The following CHD9 variants were observed in gnomAD, a reference collection of about 807,000 sequenced individuals.
CHD9 encodes ATP-dependent chromatin remodeler CHD9.
CHD9 carries 77 observed loss-of-function variants against 316.1 expected under a neutral mutation model. The observed-to-expected ratio is 0.24, with a 90% CI of 0.20 to 0.29. The LOEUF (loss-of-function observed/expected upper bound fraction) is 0.29, where lower values mean the gene tolerates loss of function less well. Among genes scored for constraint, CHD9 ranks in the 10% least tolerant of loss-of-function variants. CHD9 has a pLI of 1.00. For missense variants in CHD9, 2,763 were observed against 3,438.1 expected, an observed-to-expected ratio of 0.80 and a Z score of 4.91; for synonymous variants, 1,129 against 1,158.3, an observed-to-expected ratio of 0.97 and a Z score of 0.51.
chr16:53,110,228 G>A (rs1347767154), intron 1 of CHD9, among the ~76,000 whole-genome samples: 1 of 152,058 alleles, frequency 6.6e-6, no homozygotes, highest in African/African-American at 2.4e-5. Flanking sequence ...GAACTTACAG[G>A]AACAAAGATA....
chr16:53,174,703 G>A (rs2042989785), intron 2 of CHD9, among the ~76,000 whole-genome samples: 1 of 152,118 alleles, frequency 6.6e-6, no homozygotes, highest in Non-Finnish European at 1.5e-5. Context: ...CAATGTCCTG[G>A]GCTCAAGCAG....
At chr16:53,070,489 TTTCC>T (rs61654246) in intron 1 of CHD9, among the ~76,000 whole-genome samples, 3,453 of 144,734 alleles carry the variant, frequency 0.024, 94 homozygotes, top group East Asian at 0.15. Flanking sequence ...TCTTTCTTTC[TTTCC>T]TTCCTTCCTT....
chr16:53,132,180 T>C (rs1027293974), intron 1 of CHD9, among the ~76,000 whole-genome samples: 19 of 152,048 alleles, frequency 1.2e-4, no homozygotes, highest in African/African-American at 4.6e-4. Flanking sequence ...GAGAATTTTG[T>C]TGTTGTTGTT....
intron 1 of CHD9, among the ~76,000 whole-genome samples, chr16:53,153,428 AGGAGAG>A (rs2041272595): frequency 6.6e-6 from 1 of 152,324 alleles, no homozygotes; most frequent in South Asian, 2.1e-4. Context: ...AGGCAGAGGA[AGGAGAG>A]TTTTAATTTT....
chr16:53,259,539 TC>T (rs2050904156), intron 19 of CHD9, among the ~76,000 whole-genome samples: 1 of 152,136 alleles, frequency 6.6e-6, no homozygotes, highest in Admixed American at 6.5e-5. Context: ...TTGAGACAGA[TC>T]TCACTCTGTC....
chr16:53,242,962 T>C lies in CHD9; in HGVS notation c.3000T>C (p.His1000=). The C allele has an allele frequency of 1.2e-6, 2 of 1,612,868 alleles. No individual in the cohort carries two copies. The highest frequency in any genetic ancestry group is 2.2e-5 in the South Asian group (2 of 91,066). ...EWRCVIIDEA[H]RLKNKNCKLL... is the part of the protein sequence containing the mutation. Reference sequence around the variant, plus strand: ...GATGTGTGATTATTGATGAAGCACATAGGTTAAAAAATAAAAATTGTAAAC... The same window carrying C: ...GATGTGTGATTATTGATGAAGCACACAGGTTAAAAAATAAAAATTGTAAAC... The change falls in exon 13 of 39, where the codon CAT becomes CAC. Residue 1000 remains histidine, a synonymous_variant. Coordinates refer to ENST00000447540, the MANE Select transcript of CHD9 (RefSeq NM_001308319.2).
At chr16:53,162,421 C>T (rs998589877) in intron 2 of CHD9, among the ~76,000 whole-genome samples, 23 of 152,114 alleles carry the variant, frequency 1.5e-4, no homozygotes, top group Non-Finnish European at 1.8e-4. Context: ...TTTTATTGCT[C>T]TCATAACAAA....
intron 1 of CHD9, among the ~76,000 whole-genome samples, chr16:53,134,915 CAG>C (rs2039604603): frequency 6.6e-6 from 1 of 152,036 alleles, no homozygotes. Flanking sequence ...ACAGTGCAAA[CAG>C]ATAAAGAACA....
chr16:53,107,964 G>A (rs2037501894), intron 1 of CHD9, among the ~76,000 whole-genome samples: 1 of 152,028 alleles, frequency 6.6e-6, no homozygotes, highest in Non-Finnish European at 1.5e-5. Flanking sequence ...GGGAGGGAGG[G>A]GTGAAGGGAG....
chr16:53,309,257 A>G (rs143044322), intron 34 of CHD9, among the ~76,000 whole-genome samples: 174 of 152,322 alleles, frequency 1.1e-3, no homozygotes, highest in African/African-American at 4.0e-3. Flanking sequence ...ACTAATCCCT[A>G]AAAGGTAATT....
intron 12 of CHD9, among the ~76,000 whole-genome samples, chr16:53,242,318 G>A (rs756468506): frequency 1.1e-4 from 16 of 152,066 alleles, no homozygotes; most frequent in Admixed American, 1.0e-3. Context: ...TGATTCAGTA[G>A]AATATAAGTT....
rs532940288 is a variant in CHD9, at chr16:53,165,979, G to T, written c.1452+8438G>T. ...ATTTGTTTAAATCTTTATGCATTTG[G>T]CATGGTATTACTTATAAAAGTTTCA... is the stretch of plus-strand genomic sequence containing the variant. On this transcript the variant is annotated intron_variant, in intron 2 of 38. Transcript: ENST00000447540. Among the ~76,000 whole-genome samples the T allele has an allele frequency of 2.6e-5, 4 of 152,100 alleles. No individual in the cohort carries two copies. The East Asian group carries it at 7.7e-4, about 29-fold the overall frequency.
intron 1 of CHD9, among the ~76,000 whole-genome samples, chr16:53,115,655 G>A (rs116913734): frequency 0.018 from 2,773 of 152,282 alleles, 43 homozygotes; most frequent in Non-Finnish European, 0.026. Context: ...TTGAGTGATC[G>A]GTTTGTTTTG....
chr16:53,218,150 A>G (rs985119300), intron 3 of CHD9, among the ~76,000 whole-genome samples: 3 of 152,140 alleles, frequency 2.0e-5, no homozygotes, highest in Non-Finnish European at 4.4e-5. Flanking sequence ...GGGAAATACT[A>G]TATATCTGAA....
At chr16:53,229,890 C>T (rs1224392145) in intron 8 of CHD9, among the ~76,000 whole-genome samples, 2 of 152,122 alleles carry the variant, frequency 1.3e-5, no homozygotes, top group Non-Finnish European at 2.9e-5. Context: ...ACAGACCTTA[C>T]ACATATTTCA....
intron 2 of CHD9, among the ~76,000 whole-genome samples, chr16:53,207,750 C>T (rs1489786975): frequency 6.6e-6 from 1 of 151,524 alleles, no homozygotes; most frequent in Non-Finnish European, 1.5e-5. Context: ...TTGATAGCCA[C>T]ATAATGCCAT....
intron 1 of CHD9, among the ~76,000 whole-genome samples, chr16:53,107,554 A>G (rs1216826058): frequency 6.6e-6 from 1 of 151,658 alleles, no homozygotes; most frequent in Non-Finnish European, 1.5e-5. Context: ...GTGGTGGCAC[A>G]TGCCTGTAGT....
intron 38 of CHD9, among the ~76,000 whole-genome samples, chr16:53,322,193 C>T (rs1234212402): frequency 1.3e-5 from 2 of 151,410 alleles, no homozygotes; most frequent in South Asian, 2.1e-4. Flanking sequence ...GACGATATTT[C>T]GCCATATTGG....
At chr16:53,161,191 G>A (rs1274075780) in intron 2 of CHD9, among the ~76,000 whole-genome samples, 1 of 152,204 alleles carries the variant, frequency 6.6e-6, no homozygotes, top group Non-Finnish European at 1.5e-5. Flanking sequence ...GAGTGAAAAA[G>A]AGAGATGGAT....
Sources: gnomAD v4.1 joint callset for allele counts (sites outside exome capture counted in the v4.1 genomes callset) on GRCh38, gnomAD v4.1.1 for gene constraint, MANE v1.5 for transcripts, NCBI Gene and HGNC (gene_info 2026-07-23, HGNC 2026-07-21) for gene names.